The following LIN28B variants were observed in gnomAD, a reference collection of about 807,000 sequenced individuals.
The protein encoded by LIN28B is protein lin-28 homolog B.
In LIN28B, 5 loss-of-function variants were observed where a neutral mutation model predicts 21.9. The ratio of observed to expected loss-of-function variants is 0.23; its 90% CI spans 0.12 to 0.48. The LOEUF (loss-of-function observed/expected upper bound fraction) is 0.48, where lower values mean the gene tolerates loss of function less well. LIN28B is among the 20% of genes least tolerant of loss of function. The pLI, the probability that LIN28B is intolerant of heterozygous loss-of-function variation, is 0.98. For missense variants in LIN28B, 245 were observed against 310.5 expected (o/e 0.79, Z 1.58); for synonymous variants, 109 against 111.3 (o/e 0.98, Z 0.13).
chr6:105,037,477 T>G (rs1349059180), intron 3 of LIN28B, among the ~76,000 whole-genome samples: 1 of 112,738 alleles, frequency 8.9e-6, no homozygotes, highest in South Asian at 3.3e-4. Flanking sequence ...TCTCCTCCCC[T>G]CTCCTCCCCC....
At chr6:104,985,239 T>C (rs1395682191) in intron 2 of LIN28B, among the ~76,000 whole-genome samples, 2 of 152,198 alleles carry the variant, frequency 1.3e-5, no homozygotes, top group Admixed American at 1.3e-4. Context: ...TAATATGAGC[T>C]TTATGTGACA....
chr6:104,986,101 A>T (rs761347604), intron 2 of LIN28B, among the ~76,000 whole-genome samples: 17 of 152,060 alleles, frequency 1.1e-4, no homozygotes, highest in Non-Finnish European at 2.2e-4. Context: ...GTGAGTTCTC[A>T]TGAGACCTGG....
intron 2 of LIN28B, among the ~76,000 whole-genome samples, chr6:104,975,596 GTGA>G (rs1247718271): frequency 6.6e-6 from 1 of 152,078 alleles, no homozygotes; most frequent in African/African-American, 2.4e-5. Context: ...TGACAACACA[GTGA>G]TGATAGTGTA....
At position 105,057,895 on chromosome 6, in the gene LIN28B, T is replaced by C. The variant is rs1427136185; in HGVS notation, c.384-20519T>C. On this transcript the variant is annotated intron_variant, in intron 3 of 3. Coordinates refer to ENST00000345080, the MANE Select transcript of LIN28B (RefSeq NM_001004317.4). Reference sequence around the variant, plus strand: ...CTAGTAGTGTTAAGAAGTGTTGCTTTAAACAAGTTAAAACATACTTATTTT... The same window carrying C: ...CTAGTAGTGTTAAGAAGTGTTGCTTCAAACAAGTTAAAACATACTTATTTT... Among the ~76,000 whole-genome samples the C allele has an allele frequency of 3.3e-5, 5 of 152,228 alleles. No individual in the cohort carries two copies. The East Asian group carries it at 7.7e-4, about 23-fold the overall frequency.
chr6:104,959,348 G>A (rs1769675650), intron 2 of LIN28B, among the ~76,000 whole-genome samples: 1 of 152,152 alleles, frequency 6.6e-6, no homozygotes, highest in South Asian at 2.1e-4. Flanking sequence ...ACAGATACAT[G>A]GGTGAAATAT....
chr6:105,012,480 A>C (rs887009262), intron 2 of LIN28B, among the ~76,000 whole-genome samples: 9 of 151,926 alleles, frequency 5.9e-5, no homozygotes, highest in African/African-American at 1.5e-4. Context: ...AAAAAAAAAA[A>C]CAAAAACAAA....
intron 2 of LIN28B, among the ~76,000 whole-genome samples, chr6:104,938,718 CT>C (rs1778044174): frequency 6.6e-6 from 1 of 152,022 alleles, no homozygotes; most frequent in Admixed American, 6.6e-5. Context: ...GTTCTTATGG[CT>C]TTTCATTCAT....
At position 105,055,059 on chromosome 6, in the gene LIN28B, C is replaced by CT. The variant is rs564337492; in HGVS notation, c.384-23349dup. 7.2e-5 allele frequency among the ~76,000 whole-genome samples: 11 copies of CT among 151,872 alleles called. No individual in the cohort carries two copies. The East Asian group carries it at 2.1e-3, about 29-fold the overall frequency. On this transcript the variant is annotated intron_variant, in intron 3 of 3. Transcript: ENST00000345080. ...ATTTGTTCCATAGTGTAAAATGTAT[C>CT]TTTTTTCTTATTCCTTTATTTGGGC...
At chr6:104,947,627 CAT>C (rs1778171339) in intron 2 of LIN28B, among the ~76,000 whole-genome samples, 2 of 151,700 alleles carry the variant, frequency 1.3e-5, no homozygotes, top group South Asian at 2.1e-4. Context: ...AGCAGTAAAT[CAT>C]ATATTTAAAT....
intron 2 of LIN28B, among the ~76,000 whole-genome samples, chr6:104,945,182 GTGT>G (rs1467911378): frequency 1.3e-5 from 2 of 152,030 alleles, no homozygotes; most frequent in Non-Finnish European, 2.9e-5. Context: ...TGTAAATTAT[GTGT>G]TATCTTTTGT....
chr6:104,991,501 C>A (rs1363945055), intron 2 of LIN28B, among the ~76,000 whole-genome samples: 2 of 150,602 alleles, frequency 1.3e-5, no homozygotes, highest in Non-Finnish European at 3.0e-5. Context: ...GGATGGCGGC[C>A]GGGAAGAGGC....
At chr6:104,985,510 T>C (rs920733206) in intron 2 of LIN28B, among the ~76,000 whole-genome samples, 35 of 152,234 alleles carry the variant, frequency 2.3e-4, no homozygotes, top group Non-Finnish European at 3.8e-4. Flanking sequence ...AGTACATATC[T>C]TGATATGATA....
intron 2 of LIN28B, among the ~76,000 whole-genome samples, chr6:104,944,799 T>C (rs1778137475): frequency 6.6e-6 from 1 of 152,138 alleles, no homozygotes; most frequent in Non-Finnish European, 1.5e-5. Flanking sequence ...TGGGTTGATA[T>C]GCAGGATCAT....
chr6:104,943,429 A>C (rs1365929859), intron 2 of LIN28B, among the ~76,000 whole-genome samples: 1 of 152,174 alleles, frequency 6.6e-6, no homozygotes, highest in African/African-American at 2.4e-5. Context: ...CTTTAAAAAT[A>C]ATTGAAGCGC....
chr6:105,025,804 ACT>A (rs984703115), intron 2 of LIN28B, among the ~76,000 whole-genome samples: 22 of 151,424 alleles, frequency 1.5e-4, no homozygotes, highest in Admixed American at 9.9e-4. Context: ...CAGTTCTTTA[ACT>A]CTTTTTTTTT....
At chr6:105,012,420 G>A (rs1770943462) in intron 2 of LIN28B, among the ~76,000 whole-genome samples, 1 of 151,362 alleles carries the variant, frequency 6.6e-6, no homozygotes, top group African/African-American at 2.4e-5. Context: ...AGTGAGCTGA[G>A]ATCACACCAT....
At chr6:104,999,894 G>A (rs1770685580) in intron 2 of LIN28B, among the ~76,000 whole-genome samples, 1 of 152,098 alleles carries the variant, frequency 6.6e-6, no homozygotes, top group Non-Finnish European at 1.5e-5. Flanking sequence ...TGGTCAAGCA[G>A]GTCTTGAACT....
intron 2 of LIN28B, among the ~76,000 whole-genome samples, chr6:105,019,083 T>G (rs1038106785): frequency 6.6e-6 from 1 of 152,072 alleles, no homozygotes; most frequent in Admixed American, 6.6e-5. Context: ...GTAGCTGGGA[T>G]TATAAGCGCC....
chr6:104,991,560 C>T (rs1335286384), intron 2 of LIN28B, among the ~76,000 whole-genome samples: 3 of 151,888 alleles, frequency 2.0e-5, no homozygotes, highest in African/African-American at 7.3e-5. Context: ...CTCCTCACAT[C>T]CCAGAAGATG....
Sources: allele counts gnomAD v4.1 joint callset (sites outside exome capture counted in the v4.1 genomes callset), GRCh38; gene constraint gnomAD v4.1.1; transcripts MANE v1.5; gene names NCBI Gene and HGNC (gene_info 2026-07-23, HGNC 2026-07-21).